Variants in CHODL observed in about 807,000 individuals in gnomAD.
CHODL encodes the protein transmembrane protein MT75.
CHODL carries 29 observed loss-of-function variants against 34.5 expected under a neutral mutation model. The observed-to-expected ratio is 0.84, with a 90% CI of 0.63 to 1.15. The LOEUF is 1.15. CHODL is among the 50% of genes most tolerant of loss of function. The pLI, the probability that CHODL is intolerant of heterozygous loss-of-function variation, is 0.00. For missense variants in CHODL, 332 were observed against 332.5 expected, an observed-to-expected ratio of 1.00 and a Z score of 0.01; for synonymous variants, 125 against 116.1, an observed-to-expected ratio of 1.08 and a Z score of -0.49.
chr21:18,068,780 CT>C (rs60581304), intron 2 of CHODL, among the ~76,000 whole-genome samples: 4,264 of 140,536 alleles, frequency 0.03, 119 homozygotes, highest in Middle Eastern at 0.088. Context: ...AAGGAAATTT[CT>C]TTTTTTTTTT....
rs158076 is a variant in CHODL at position 18,002,814 on chromosome 21, T to G, written c.-144-25058T>G. 8.5e-5 allele frequency among the ~76,000 whole-genome samples: 13 copies of G among 152,244 alleles called. 1 individual carries two copies. Among genetic ancestry groups the G allele is most frequent in the Admixed American group, 3.3e-4 (5 of 15,300 alleles). On this transcript the variant is annotated intron_variant, in intron 1 of 6. Transcript: ENST00000400127. ...TGGTGCTTGTAGGATGGATACACTC[T>G]TCACCTGGGGACAGAGTCCAAGAGC...
rs746519727 is a variant in CHODL at position 18,262,790 on chromosome 21, G to C, written c.635-1G>C. ...CACATGAAGACTGTTTTATTTTGTA[G>C]GTATAATTCCCAATCTAATTTATGT... On this transcript the variant is annotated splice_acceptor_variant, in intron 4 of 5. Coordinates refer to ENST00000299295, the MANE Select transcript of CHODL (RefSeq NM_024944.3). LOFTEE classifies it high-confidence loss of function. 3 of 1,500,088 alleles carry C rather than the reference G, an allele frequency of 2.0e-6. No homozygotes were observed. The highest frequency in any genetic ancestry group is 2.8e-6 in the Non-Finnish European group (3 of 1,080,014). 92.9% of individuals were successfully genotyped at this position (1,500,088 alleles called of 1,614,324 possible). A position where few individuals can be genotyped will look rare whatever the true frequency, so the allele number is the denominator to read the frequency against.
chr21:18,254,859 T>C, intron 1 of CHODL, among the ~76,000 whole-genome samples: 1 of 152,112 alleles, frequency 6.6e-6, no homozygotes, highest in East Asian at 1.9e-4. Flanking sequence ...GTATGCGAAA[T>C]TTAATTTTGA....
intron 2 of CHODL, among the ~76,000 whole-genome samples, chr21:18,205,737 C>CTT (rs56091373): frequency 0.052 from 6,553 of 127,086 alleles, 206 homozygotes; most frequent in Non-Finnish European, 0.063. Flanking sequence ...AAGGAGTATA[C>CTT]TTTTTTTTTT....
intron 2 of CHODL, among the ~76,000 whole-genome samples, chr21:18,069,748 A>G (rs1256100208): frequency 1.3e-5 from 2 of 152,208 alleles, no homozygotes; most frequent in East Asian, 3.9e-4. Flanking sequence ...ACTACAAAAT[A>G]TGTTCTACGG....
intron 1 of CHODL, among the ~76,000 whole-genome samples, chr21:17,993,394 A>T (rs1448540429): frequency 6.6e-6 from 1 of 152,034 alleles, no homozygotes; most frequent in African/African-American, 2.4e-5. Flanking sequence ...GATAGGCCCC[A>T]GTGTCTGTTG....
intron 2 of CHODL, among the ~76,000 whole-genome samples, chr21:18,077,687 T>A (rs999781294): frequency 6.6e-6 from 1 of 152,050 alleles, no homozygotes; most frequent in Non-Finnish European, 1.5e-5. Flanking sequence ...ATTGAAAGAG[T>A]GTGAAAGAGT....
At chr21:18,251,452 T>C (rs1288634757) in intron 1 of CHODL, among the ~76,000 whole-genome samples, 1 of 118,728 alleles carries the variant, frequency 8.4e-6, no homozygotes, top group African/African-American at 3.7e-5. Flanking sequence ...TAAAAATACA[T>C]ATTTATTTTA....
intron 1 of CHODL, among the ~76,000 whole-genome samples, chr21:17,920,626 A>G (rs1600964976): frequency 6.6e-6 from 1 of 152,362 alleles, no homozygotes; most frequent in Non-Finnish European, 1.5e-5. Flanking sequence ...GTAAGGATTA[A>G]ACAAGAAAAT....
At chr21:18,180,212 G>T (rs1200640046) in intron 2 of CHODL, among the ~76,000 whole-genome samples, 1 of 152,108 alleles carries the variant, frequency 6.6e-6, no homozygotes, top group Non-Finnish European at 1.5e-5. Flanking sequence ...GAGTACAGTG[G>T]CATAATTACG....
intron 1 of CHODL, among the ~76,000 whole-genome samples, chr21:17,999,792 T>G (rs1440042528): frequency 2.0e-5 from 3 of 152,188 alleles, no homozygotes; most frequent in Admixed American, 2.0e-4. Context: ...GAGATTTGGG[T>G]GGGGACACAG....
chr21:18,042,734 C>A (rs1388999303), intron 2 of CHODL, among the ~76,000 whole-genome samples: 3 of 151,840 alleles, frequency 2.0e-5, no homozygotes, highest in Admixed American at 2.0e-4. Context: ...GAGAGAAATT[C>A]TCTTGCGCAG....
intron 2 of CHODL, among the ~76,000 whole-genome samples, chr21:18,091,283 A>G (rs778869492): frequency 5.3e-5 from 8 of 152,228 alleles, no homozygotes; most frequent in Non-Finnish European, 1.2e-4. Flanking sequence ...GAGGACACGT[A>G]GGACACAAGG....
At chr21:18,001,882 T>G (rs999017219) in intron 1 of CHODL, among the ~76,000 whole-genome samples, 2 of 151,994 alleles carry the variant, frequency 1.3e-5, no homozygotes, top group Admixed American at 1.3e-4. Flanking sequence ...TAGGTTACTT[T>G]TGAAGAAAAT....
chr21:18,248,414 G>A (rs569912440), intron 1 of CHODL, among the ~76,000 whole-genome samples: 3 of 150,734 alleles, frequency 2.0e-5, no homozygotes, highest in African/African-American at 4.9e-5. Flanking sequence ...AGTATCTCTC[G>A]GGCATGAAAG....
chr21:18,054,916 G>C lies in CHODL; in HGVS notation c.-45+26945G>C, dbSNP rs565980387. ...TTAACGAATTAGGCAACAAGCCTCT[G>C]TTTTTCCAGCTCATTTGTCCAGGGC... On this transcript the variant is annotated intron_variant, in intron 2 of 6. Coordinates refer to the CHODL transcript ENST00000400127. Among the ~76,000 whole-genome samples, 81 of 152,088 alleles carry C rather than the reference G, an allele frequency of 5.3e-4. 2 individuals carry two copies. In the South Asian group the frequency reaches 0.017, roughly 31 times the overall value.
intron 2 of CHODL, among the ~76,000 whole-genome samples, chr21:18,143,522 G>C (rs1183076946): frequency 6.6e-6 from 1 of 152,056 alleles, no homozygotes; most frequent in African/African-American, 2.4e-5. Flanking sequence ...CATGAATTCT[G>C]TGGCAAGATG....
chr21:18,119,995 G>A (rs2146575211), intron 2 of CHODL, among the ~76,000 whole-genome samples: 1 of 152,230 alleles, frequency 6.6e-6, no homozygotes, highest in South Asian at 2.1e-4. Flanking sequence ...TAGCTGCTCT[G>A]TTTGGTGGTG....
intron 1 of CHODL, among the ~76,000 whole-genome samples, chr21:17,958,575 A>C (rs1258842171): frequency 6.6e-6 from 1 of 152,200 alleles, no homozygotes; most frequent in African/African-American, 2.4e-5. Context: ...ATCTGTTTCC[A>C]TCAGACACTT....
Sources: gnomAD v4.1 joint callset for allele counts (sites outside exome capture counted in the v4.1 genomes callset) on GRCh38, gnomAD v4.1.1 for gene constraint, MANE v1.5 for transcripts, NCBI Gene and HGNC (gene_info 2026-07-23, HGNC 2026-07-21) for gene names.